Variants in UGT1A9 observed in about 807,000 individuals in gnomAD.
UGT1A9 encodes UDP-glucuronosyltransferase 1A9.
A neutral mutation model predicts 45.0 loss-of-function variants in UGT1A9; 35 were observed. The ratio of observed to expected loss-of-function variants is 0.78; its 90% confidence interval spans 0.59 to 1.03. The LOEUF (loss-of-function observed/expected upper bound fraction) is 1.03, where lower values mean the gene tolerates loss of function less well. Among genes scored for constraint, UGT1A9 ranks in the 50% least tolerant of loss-of-function variants. UGT1A9 has a pLI of 0.00. For synonymous variants in UGT1A9, 278 were observed against 250.6 expected (o/e 1.11, Z -1.03); for missense variants, 687 against 666.6 (o/e 1.03, Z -0.34).
At chr2:233,704,477 T>C (rs1575478652) in intron 1 of UGT1A9, among the ~76,000 whole-genome samples, 2 of 152,176 alleles carry the variant, frequency 1.3e-5, no homozygotes, top group African/African-American at 2.4e-5. Context: ...CTTTCTCCCC[T>C]TTTTATGATA....
At chr2:233,740,302 A>C (rs564436017) in intron 1 of UGT1A9, among the ~76,000 whole-genome samples, 20 of 152,050 alleles carry the variant, frequency 1.3e-4, no homozygotes, top group Non-Finnish European at 2.5e-4. Flanking sequence ...GGAGAGTCTG[A>C]GAAAAGGAAA....
chr2:233,755,296 C>A (rs1695848823), intron 1 of UGT1A9: 2 of 630,266 alleles, frequency 3.2e-6, no homozygotes, highest in Admixed American at 6.1e-5. Flanking sequence ...GCCTGCGGGG[C>A]ACTGGCACAG....
At chr2:233,761,732 T>TC (rs1575783874) in intron 1 of UGT1A9, among the ~76,000 whole-genome samples, 1 of 152,336 alleles carries the variant, frequency 6.6e-6, no homozygotes, top group East Asian at 1.9e-4. Flanking sequence ...GGTTTATTTT[T>TC]CCCCTACAGA....
chr2:233,689,749 A>G (rs891969745), intron 1 of UGT1A9: 5 of 278,212 alleles, frequency 1.8e-5, no homozygotes, highest in Non-Finnish European at 3.6e-5. Flanking sequence ...GTGGGAGTCC[A>G]GGTTTCTGAA....
intron 1 of UGT1A9, chr2:233,713,481 T>C (rs1386809200): frequency 3.1e-6 from 5 of 1,614,080 alleles, no homozygotes; most frequent in Non-Finnish European, 4.2e-6. Context: ...GCTGGCTAAG[T>C]ACCTGTCGAT....
chr2:233,724,604 G>A (rs1340979109), intron 1 of UGT1A9, among the ~76,000 whole-genome samples: 2 of 132,722 alleles, frequency 1.5e-5, no homozygotes, highest in Non-Finnish European at 3.2e-5. Flanking sequence ...GACGATGGGC[G>A]GCCGGGCAGA....
At chr2:233,756,870 A>C (rs1360096515) in intron 1 of UGT1A9, among the ~76,000 whole-genome samples, 4 of 152,134 alleles carry the variant, frequency 2.6e-5, no homozygotes, top group Admixed American at 2.6e-4. Flanking sequence ...AAAGGGTATT[A>C]GGTGTAATGA....
In UGT1A9 at chr2:233,769,706, T is replaced by G; in HGVS notation, c.1295+1267T>G. On this transcript the variant is annotated intron_variant, in intron 4 of 4. Transcript: ENST00000354728. The surrounding 1 kb of genome is among the most constrained non-coding windows in gnomAD (Gnocchi z 4.4). ...GGTGGCACTGGATAAAAGATCAATG[T>G]TGGCTAGGCACCATGGCACACGCCT... 6.6e-7 allele frequency: 1 copy of G among 1,515,112 alleles called. No homozygotes were observed. 93.9% of individuals were successfully genotyped at this position (1,515,112 alleles called of 1,614,324 possible).
At chr2:233,766,890 A>G (rs1433588040) in intron 1 of UGT1A9, 144 bp from the exon 2 acceptor site, 1 of 1,467,048 alleles carries the variant, frequency 6.8e-7, no homozygotes, top group Non-Finnish European at 9.0e-7. Flanking sequence ...TAAAACTTAC[A>G]TATTAATAAT....
At chr2:233,728,783 A>T (rs1324632843) in intron 1 of UGT1A9, among the ~76,000 whole-genome samples, 1 of 152,246 alleles carries the variant, frequency 6.6e-6, no homozygotes, top group Admixed American at 6.5e-5. Context: ...CCTGATAAAC[A>T]TGGTTAACAG....
At chr2:233,760,848 C>T (rs1237758968) in intron 1 of UGT1A9, 1 of 1,613,934 alleles carries the variant, frequency 6.2e-7, no homozygotes, top group African/African-American at 1.3e-5. Flanking sequence ...CCCAGTGCCC[C>T]AACCCATTCT....
At chr2:233,755,269 T>C in intron 1 of UGT1A9, 1 of 759,984 alleles carries the variant, frequency 1.3e-6, no homozygotes, top group East Asian at 5.3e-5. Context: ...TAGTCCACTA[T>C]GCTGGACTGC....
At chr2:233,738,344 C>T (rs187057968) in intron 1 of UGT1A9, among the ~76,000 whole-genome samples, 43 of 152,222 alleles carry the variant, frequency 2.8e-4, no homozygotes, top group African/African-American at 1.0e-3. Flanking sequence ...AAATTGGTGT[C>T]ATGGAGAGTG....
intron 1 of UGT1A9, among the ~76,000 whole-genome samples, chr2:233,735,251 C>T (rs915442177): frequency 3.3e-5 from 5 of 152,018 alleles, no homozygotes; most frequent in Admixed American, 6.6e-5. Context: ...TTGAATTGCT[C>T]CCTTTACCAT....
At chr2:233,721,929 C>T (rs1233602775) in intron 1 of UGT1A9, 1 of 379,610 alleles carries the variant, frequency 2.6e-6, no homozygotes, top group African/African-American at 2.1e-5. Context: ...AAAGTGACAT[C>T]CTTCAGACAC....
At chr2:233,712,103 C>G (rs1277472248) in intron 1 of UGT1A9, among the ~76,000 whole-genome samples, 2 of 152,212 alleles carry the variant, frequency 1.3e-5, no homozygotes, top group Admixed American at 1.3e-4. Flanking sequence ...ACACTTCAGT[C>G]TCTAAGCAGA....
chr2:233,734,394 G>A (rs574179934), intron 1 of UGT1A9, among the ~76,000 whole-genome samples: 7 of 152,088 alleles, frequency 4.6e-5, no homozygotes, highest in South Asian at 2.1e-4. Flanking sequence ...TTTTTATTGC[G>A]TCTATTTGAT....
rs747443609 is a variant in UGT1A9 at position 233,768,266 on chromosome 2, T to C, written c.1122T>C (p.Gly374=). 6.8e-6 allele frequency: 11 copies of C among 1,614,024 alleles called. No individual in the cohort carries two copies. Among genetic ancestry groups the C allele is most frequent in the Non-Finnish European group, 9.3e-6 (11 of 1,180,038 alleles). ...TTATCACCCATGCTGGTTCCCATGG[T>C]GTTTATGAAAGCATATGCAATGGCG... is the stretch of plus-strand genomic sequence containing the variant. The part of the protein sequence containing the change: ...RAFITHAGSH[G]VYESICNGVP... The change falls in exon 4 of 5, where the codon GGT becomes GGC. Residue 374 remains glycine, a synonymous_variant. Coordinates refer to ENST00000354728, the MANE Select transcript of UGT1A9 (RefSeq NM_021027.3).
At chr2:233,678,785 G>A (rs1460074279) in intron 1 of UGT1A9, among the ~76,000 whole-genome samples, 1 of 152,020 alleles carries the variant, frequency 6.6e-6, no homozygotes, top group African/African-American at 2.4e-5. Flanking sequence ...CCCTGAGTGT[G>A]GCATCTATTG....
Sources: allele counts gnomAD v4.1 joint callset (sites outside exome capture counted in the v4.1 genomes callset), GRCh38; gene constraint gnomAD v4.1.1; non-coding constraint Gnocchi (gnomAD v3.1); transcripts MANE v1.5; gene names NCBI Gene and HGNC (gene_info 2026-07-23, HGNC 2026-07-21).